NRXN1: variants seen among roughly 807,000 people sequenced by gnomAD.
NRXN1 encodes the protein neurexin 1.
A neutral mutation model predicts 150.9 loss-of-function variants in NRXN1; 39 were observed. The observed-to-expected ratio is 0.26, with a 90% confidence interval of 0.20 to 0.34. The LOEUF is 0.34. Among genes scored for constraint, NRXN1 ranks in the 10% least tolerant of loss-of-function variants. NRXN1 has a pLI of 1.00. For missense variants in NRXN1, 1,815 were observed against 1,949.9 expected (o/e 0.93, Z 1.30); for synonymous variants, 924 against 757.0 (o/e 1.22, Z -3.62).
chr2:50,617,036 A>G (rs901766102), intron 8 of NRXN1, among the ~76,000 whole-genome samples: 2 of 152,178 alleles, frequency 1.3e-5, no homozygotes, highest in African/African-American at 4.8e-5. Context: ...GATTTAACTC[A>G]CAATCCATGA....
chr2:50,524,958 A>G (rs2105158447), intron 12 of NRXN1, among the ~76,000 whole-genome samples: 1 of 152,304 alleles, frequency 6.6e-6, no homozygotes, highest in East Asian at 1.9e-4. Context: ...TGAGACCATC[A>G]TTATAACTCT....
chr2:50,048,093 G>C (rs937977851), intron 21 of NRXN1, among the ~76,000 whole-genome samples: 1 of 152,010 alleles, frequency 6.6e-6, no homozygotes, highest in African/African-American at 2.4e-5. Flanking sequence ...ACTTTTTCTT[G>C]CCAGTAATGA....
chr2:50,451,207 G>A (rs1218386455), intron 17 of NRXN1, among the ~76,000 whole-genome samples: 1 of 152,160 alleles, frequency 6.6e-6, no homozygotes, highest in South Asian at 2.1e-4. Context: ...AGGCTCAAGC[G>A]ATCTGCCCAG....
chr2:50,008,092 T>G (rs539749073), intron 21 of NRXN1, among the ~76,000 whole-genome samples: 2 of 152,264 alleles, frequency 1.3e-5, no homozygotes, highest in African/African-American at 4.8e-5. Context: ...AGAGACAAGA[T>G]TATTTATACA....
chr2:50,883,616 T>C (rs1679783266), intron 5 of NRXN1, among the ~76,000 whole-genome samples: 1 of 151,820 alleles, frequency 6.6e-6, no homozygotes, highest in African/African-American at 2.4e-5. Flanking sequence ...CCTCCAAAAC[T>C]TGTTTCTTGG....
chr2:51,027,644 G>A lies in NRXN1; in HGVS notation c.630C>T (p.Asn210=), dbSNP rs774677436. ...CCTCGCACGGGCTTCCCCCGCCGCT[G>A]TTGGGCGGCTCATCGTCCAGCTTCA... ...GEVKLDDEPP[N]SGGGSPCEAG... Residue 210 remains asparagine (N), a synonymous_variant, in exon 2 of 23, where the codon AAC becomes AAT. Transcript: ENST00000401669. The A allele has an allele frequency of 6.3e-7, 1 of 1,599,780 alleles. No homozygotes were observed. The highest frequency in any genetic ancestry group is 1.1e-5 in the South Asian group (1 of 88,966).
intron 2 of NRXN1, among the ~76,000 whole-genome samples, chr2:50,995,887 C>G (rs772901381): frequency 6.6e-6 from 1 of 152,052 alleles, no homozygotes; most frequent in East Asian, 1.9e-4. Flanking sequence ...CTGGTGTACT[C>G]TCTCAGGGTA....
intron 5 of NRXN1, chr2:50,919,865 C>G (rs1351703408): frequency 5.6e-6 from 1 of 178,840 alleles, no homozygotes; most frequent in African/African-American, 2.4e-5. Flanking sequence ...TCACTTTGTA[C>G]CAGTCTCACA....
intron 21 of NRXN1, among the ~76,000 whole-genome samples, chr2:50,025,864 C>T (rs1462770615): frequency 2.0e-5 from 3 of 152,172 alleles, no homozygotes; most frequent in Admixed American, 6.5e-5. Context: ...GCTAGTACCA[C>T]GTCAAGTCTT....
intron 17 of NRXN1, among the ~76,000 whole-genome samples, chr2:50,342,073 T>C (rs971541088): frequency 6.6e-6 from 1 of 152,184 alleles, no homozygotes; most frequent in East Asian, 1.9e-4. Context: ...TCTACTCTCA[T>C]CCTTATTATT....
intron 2 of NRXN1, among the ~76,000 whole-genome samples, chr2:50,956,539 A>G (rs1223749577): frequency 6.6e-6 from 1 of 151,954 alleles, no homozygotes; most frequent in Non-Finnish European, 1.5e-5. Context: ...CTTGAGCCCC[A>G]GAGTTCAAAA....
intron 17 of NRXN1, among the ~76,000 whole-genome samples, chr2:50,459,086 C>T (rs1431291370): frequency 6.6e-6 from 1 of 151,996 alleles, no homozygotes; most frequent in Non-Finnish European, 1.5e-5. Flanking sequence ...GGCATATCCA[C>T]AGCAACAAAG....
At chr2:50,451,179 G>T (rs1202963357) in intron 17 of NRXN1, among the ~76,000 whole-genome samples, 2 of 152,120 alleles carry the variant, frequency 1.3e-5, no homozygotes, top group African/African-American at 2.4e-5. Flanking sequence ...ATGTTGACCA[G>T]GCTGGTCTGG....
At chr2:50,178,772 A>T (rs2060510329) in intron 18 of NRXN1, among the ~76,000 whole-genome samples, 1 of 152,148 alleles carries the variant, frequency 6.6e-6, no homozygotes, top group South Asian at 2.1e-4. Flanking sequence ...TTATTACAAG[A>T]TTTAAATATT....
In NRXN1 at chr2:50,633,955, T is replaced by C. The variant is rs1177196381; in HGVS notation, c.833-10340A>G. On this transcript the variant is annotated intron_variant, in intron 5 of 22. Transcript: ENST00000401669. Reference sequence around the variant, plus strand: ...CTTTATGAGACAATGATGATTAAATTGAGATCTTAATGCTGAGGAACCACT... The same window carrying C: ...CTTTATGAGACAATGATGATTAAATCGAGATCTTAATGCTGAGGAACCACT... 3.9e-5 allele frequency among the ~76,000 whole-genome samples: 6 copies of C among 152,114 alleles called. No individual in the cohort carries two copies. The East Asian group carries it at 1.2e-3, about 29-fold the overall frequency.
intron 5 of NRXN1, among the ~76,000 whole-genome samples, chr2:50,889,518 TTCTA>T (rs1030771725): frequency 6.6e-5 from 10 of 151,760 alleles, no homozygotes; most frequent in African/African-American, 2.2e-4. Context: ...TTCTTTCCGA[TTCTA>T]TCTGTTTAAC....
At chr2:50,628,047 T>A (rs1681491758) in intron 5 of NRXN1, among the ~76,000 whole-genome samples, 1 of 151,860 alleles carries the variant, frequency 6.6e-6, no homozygotes, top group African/African-American at 2.4e-5. Context: ...GATAACTAAA[T>A]TATAAAGTTT....
At chr2:50,356,541 A>G (rs1166234006) in intron 17 of NRXN1, among the ~76,000 whole-genome samples, 2 of 152,096 alleles carry the variant, frequency 1.3e-5, no homozygotes, top group African/African-American at 4.8e-5. Context: ...TCTCTGTTCT[A>G]TTGCTGAGAT....
chr2:50,794,496 T>A (rs2105631500), intron 5 of NRXN1, among the ~76,000 whole-genome samples: 1 of 152,254 alleles, frequency 6.6e-6, no homozygotes, highest in East Asian at 1.9e-4. Flanking sequence ...TGGGTAGCAC[T>A]CTTTCATACC....
Sources: allele counts gnomAD v4.1 joint callset (sites outside exome capture counted in the v4.1 genomes callset), GRCh38; gene constraint gnomAD v4.1.1; transcripts MANE v1.5; gene names NCBI Gene and HGNC (gene_info 2026-07-23, HGNC 2026-07-21).